The following ARL8B variants were observed in gnomAD, a reference collection of about 807,000 sequenced individuals.
ARL8B encodes the protein ARF like GTPase 8B.
In ARL8B, 9 loss-of-function variants were observed where a neutral mutation model predicts 30.6. The observed-to-expected ratio is 0.29, with a 90% CI of 0.18 to 0.51. The LOEUF (loss-of-function observed/expected upper bound fraction) is 0.51. Among genes scored for constraint, ARL8B ranks in the 20% least tolerant of loss-of-function variants. ARL8B has a pLI of 0.97. For missense variants in ARL8B, 130 were observed against 227.2 expected (o/e 0.57, Z 2.75); for synonymous variants, 74 against 76.0 (o/e 0.97, Z 0.14).
intron 1 of ARL8B, among the ~76,000 whole-genome samples, chr3:5,142,189 C>G (rs182362223): frequency 6.6e-6 from 1 of 152,242 alleles, no homozygotes; most frequent in African/African-American, 2.4e-5. Context: ...TACCACCAGA[C>G]GTTAGCCTGG....
intron 1 of ARL8B, among the ~76,000 whole-genome samples, chr3:5,138,099 A>T (rs2054343263): frequency 6.7e-6 from 1 of 149,762 alleles, no homozygotes; most frequent in Non-Finnish European, 1.5e-5. Context: ...TTGGTGAAAA[A>T]TTTACTGGTT....
intron 1 of ARL8B, among the ~76,000 whole-genome samples, chr3:5,139,199 T>C (rs1298771614): frequency 1.3e-5 from 2 of 152,212 alleles, no homozygotes; most frequent in African/African-American, 4.8e-5. Context: ...ATGTTAAAAG[T>C]AGGCACTAAA....
chr3:5,174,744 TATATA>T (rs1167498920), intron 6 of ARL8B, among the ~76,000 whole-genome samples: 2 of 132,058 alleles, frequency 1.5e-5, no homozygotes. Flanking sequence ...ATATATGTAA[TATATA>T]ATATATATAA....
chr3:5,166,348 G>GT (rs576653836), intron 1 of ARL8B, among the ~76,000 whole-genome samples: 1,893 of 99,144 alleles, frequency 0.019, 48 homozygotes, highest in African/African-American at 0.046. Context: ...GGTATCTTTC[G>GT]TTTTTTTTTT....
At chr3:5,169,415 T>A (rs1310499419) in intron 1 of ARL8B, among the ~76,000 whole-genome samples, 1 of 152,042 alleles carries the variant, frequency 6.6e-6, no homozygotes, top group Non-Finnish European at 1.5e-5. Context: ...ATTCAGAAGT[T>A]GAATTGCTGG....
intron 1 of ARL8B, among the ~76,000 whole-genome samples, chr3:5,130,244 G>C (rs144588600): frequency 6.8e-6 from 1 of 147,808 alleles, no homozygotes; most frequent in African/African-American, 2.5e-5. Context: ...GCCTGGTCCC[G>C]GAACTCCTGG....
At chr3:5,146,080 A>G (rs528213762) in intron 1 of ARL8B, among the ~76,000 whole-genome samples, 2 of 152,246 alleles carry the variant, frequency 1.3e-5, no homozygotes, top group South Asian at 2.1e-4. Context: ...TTTTTCTAAG[A>G]CTTGACCAAA....
chr3:5,172,681 G>T lies in ARL8B; in HGVS notation c.313G>T (p.Glu105Ter). 6.2e-7 allele frequency: 1 copy of T among 1,612,502 alleles called. No individual in the cohort carries two copies. Among genetic ancestry groups the T allele is most frequent in the East Asian group, 2.2e-5 (1 of 44,730 alleles). The stretch of plus-strand genomic sequence containing the variant: ...AGATGCTGCAGATCGTGAAAAGATA[G>T]AAGCTTCCCGAAATGAGCTACATAA... Reference protein sequence around the residue: ...MIDAADREKIEASRNELHNLL... With the variant: ...MIDAADREKI The change falls in exon 4 of 7, where the codon GAA (glutamate) becomes TAA (stop). Residue 105 changes from glutamate to a stop codon, truncating the protein, a stop_gained. Coordinates refer to ENST00000256496, the MANE Select transcript of ARL8B (RefSeq NM_018184.3). LOFTEE classifies it high-confidence loss of function.
intron 1 of ARL8B, among the ~76,000 whole-genome samples, chr3:5,134,153 A>G (rs777635533): frequency 9.2e-5 from 14 of 152,106 alleles, no homozygotes; most frequent in Non-Finnish European, 1.8e-4. Flanking sequence ...GTTTCTCTTC[A>G]AAAGAGTGGG....
intron 1 of ARL8B, among the ~76,000 whole-genome samples, chr3:5,156,635 C>T (rs894997465): frequency 6.6e-6 from 1 of 152,134 alleles, no homozygotes; most frequent in Admixed American, 6.5e-5. Flanking sequence ...ATGCTGGTCT[C>T]CAACTCCTGA....
chr3:5,126,584 G>A (rs2054231848), intron 1 of ARL8B, among the ~76,000 whole-genome samples: 1 of 152,190 alleles, frequency 6.6e-6, no homozygotes, highest in African/African-American at 2.4e-5. Flanking sequence ...TTTGGTTTGA[G>A]TCTAAAAGAT....
chr3:5,178,760 T>A lies in ARL8B; in HGVS notation c.*47T>A. ...GTCCTTCTTGGCTATAATCCTAGAA[T>A]TATTGTCCGTTCCTCTGAAGTAATT... On this transcript the variant is annotated 3_prime_UTR_variant, in exon 7 of 7. Coordinates refer to ENST00000256496, the MANE Select transcript of ARL8B (RefSeq NM_018184.3). 1 of 1,609,588 alleles carries A rather than the reference T, an allele frequency of 6.2e-7. No homozygotes were observed.
rs1250024427 is a variant in ARL8B at position 5,125,113 on chromosome 3, G to A, written c.123+2525G>A. ...TGAAATCTGGCTCTGCCGCTTAGCA[G>A]CCTTACATCCTCTTTGAGTCCTTAC... On this transcript the variant is annotated intron_variant, in intron 1 of 6. Coordinates refer to ENST00000256496, the MANE Select transcript of ARL8B (RefSeq NM_018184.3). 3.3e-5 allele frequency among the ~76,000 whole-genome samples: 5 copies of A among 152,282 alleles called. No individual in the cohort carries two copies. The East Asian group carries it at 9.6e-4, about 29-fold the overall frequency.
intron 1 of ARL8B, among the ~76,000 whole-genome samples, chr3:5,126,032 A>G (rs900862500): frequency 6.6e-6 from 1 of 152,150 alleles, no homozygotes; most frequent in African/African-American, 2.4e-5. Context: ...AAGTAATATT[A>G]ATTTAAAAAA....
At position 5,180,708 on chromosome 3, in the gene ARL8B, C is replaced by T. The variant is rs895469133; in HGVS notation, c.*1995C>T. 2 of 152,572 alleles carry T rather than the reference C, an allele frequency of 1.3e-5. No individual in the cohort carries two copies. The highest frequency in any genetic ancestry group is 2.1e-4 in the South Asian group (1 of 4,828). 9.5% of individuals were successfully genotyped at this position (152,572 alleles called of 1,614,324 possible). A position where few individuals can be genotyped will look rare whatever the true frequency, so the allele number is the denominator to read the frequency against. On this transcript the variant is annotated 3_prime_UTR_variant, in exon 7 of 7. Coordinates refer to ENST00000256496, the MANE Select transcript of ARL8B (RefSeq NM_018184.3). Reference sequence around the variant, plus strand: ...ATGCATTTTTTGTCTGTTTACTGCTCTTCTCAGCTTTATTCAATAAACTTG... The same window carrying T: ...ATGCATTTTTTGTCTGTTTACTGCTTTTCTCAGCTTTATTCAATAAACTTG...
intron 1 of ARL8B, among the ~76,000 whole-genome samples, chr3:5,169,699 G>A (rs960342815): frequency 1.3e-5 from 2 of 151,718 alleles, no homozygotes; most frequent in Non-Finnish European, 2.9e-5. Flanking sequence ...CTTTTATCAT[G>A]GCTTACTTTT....
intron 1 of ARL8B, among the ~76,000 whole-genome samples, chr3:5,143,937 C>T (rs1490430893): frequency 1.3e-5 from 2 of 152,132 alleles, no homozygotes; most frequent in Non-Finnish European, 2.9e-5. Context: ...TGTCCTAATT[C>T]TGAGGAGTGC....
chr3:5,145,640 G>A (rs911000268), intron 1 of ARL8B, among the ~76,000 whole-genome samples: 5 of 152,332 alleles, frequency 3.3e-5, no homozygotes, highest in Admixed American at 2.6e-4. Flanking sequence ...GCTGTAATGA[G>A]GGCCTGTTTT....
chr3:5,177,343 C>T (rs1225447931), intron 6 of ARL8B, among the ~76,000 whole-genome samples: 1 of 152,130 alleles, frequency 6.6e-6, no homozygotes, highest in Non-Finnish European at 1.5e-5. Context: ...TAGATCAGTT[C>T]ATCTGAGTAT....
Sources: gnomAD v4.1 joint callset for allele counts (sites outside exome capture counted in the v4.1 genomes callset) on GRCh38, gnomAD v4.1.1 for gene constraint, MANE v1.5 for transcripts, NCBI Gene and HGNC (gene_info 2026-07-23, HGNC 2026-07-21) for gene names.